TMC1: variants seen among roughly 807,000 people sequenced by gnomAD.
TMC1 encodes transmembrane channel-like protein 1.
A neutral mutation model predicts 105.8 loss-of-function variants in TMC1; 84 were observed. The ratio of observed to expected loss-of-function variants is 0.79; its 90% CI spans 0.67 to 0.95. The LOEUF (loss-of-function observed/expected upper bound fraction) is 0.95, where lower values mean the gene tolerates loss of function less well. Among genes scored for constraint, TMC1 ranks in the 40% least tolerant of loss-of-function variants. The pLI is 0.00. For synonymous variants in TMC1, 315 were observed against 311.5 expected, an observed-to-expected ratio of 1.01 and a Z score of -0.12; for missense variants, 817 against 914.1, an observed-to-expected ratio of 0.89 and a Z score of 1.37.
At chr9:72,627,898 ATT>A (rs36038786) in intron 3 of TMC1, 21 bp from the exon 4 acceptor site, 466 of 342,442 alleles carry the variant, frequency 1.4e-3, no homozygotes, top group Admixed American at 3.0e-3. Flanking sequence ...TCTGTATTGG[ATT>A]TTTTTTTTTT....
intron 1 of TMC1, among the ~76,000 whole-genome samples, chr9:72,532,489 C>T (rs1011139039): frequency 4.8e-5 from 6 of 125,622 alleles, no homozygotes; most frequent in East Asian, 2.6e-4. Flanking sequence ...TGCAGTGAGC[C>T]GAGATCGTGC....
intron 5 of TMC1, among the ~76,000 whole-genome samples, chr9:72,668,448 C>T (rs192073561): frequency 2.0e-5 from 3 of 152,288 alleles, no homozygotes; most frequent in East Asian, 3.9e-4. Flanking sequence ...AGTGAATTAA[C>T]GAGTGAATTA....
chr9:72,787,221 A>G (rs1299458547), intron 13 of TMC1, among the ~76,000 whole-genome samples: 2 of 152,182 alleles, frequency 1.3e-5, no homozygotes, highest in Admixed American at 6.5e-5. Flanking sequence ...CTTCTTGCTG[A>G]GATTTTAAAG....
At chr9:72,694,520 A>C in intron 6 of TMC1, 23 bp from the exon 7 acceptor site, 1 of 1,609,368 alleles carries the variant, frequency 6.2e-7, no homozygotes, top group Non-Finnish European at 8.5e-7. Flanking sequence ...GACATTACTC[A>C]TTGAATCAAG....
chr9:72,836,766 T>C lies in TMC1; in HGVS notation c.*793T>C, dbSNP rs1829131967. On this transcript the variant is annotated 3_prime_UTR_variant, in exon 24 of 24. Coordinates refer to ENST00000297784, the MANE Select transcript of TMC1 (RefSeq NM_138691.3). ...CACAGTCTGCTCATTTGTCTTCCAA[T>C]GATCATGTTATCAGTGGTGAATCCA... 1 of 152,134 alleles carries C rather than the reference T, an allele frequency of 6.6e-6. No homozygotes were observed. Among genetic ancestry groups the C allele is most frequent in the Non-Finnish European group, 1.5e-5 (1 of 68,046 alleles). 9.4% of individuals were successfully genotyped at this position (152,134 alleles called of 1,614,324 possible). A position where few individuals can be genotyped will look rare whatever the true frequency, so the allele number is the denominator to read the frequency against.
intron 1 of TMC1, among the ~76,000 whole-genome samples, chr9:72,543,666 C>T (rs1823715307): frequency 6.6e-6 from 1 of 152,120 alleles, no homozygotes; most frequent in Non-Finnish European, 1.5e-5. Context: ...GCCTGTAATC[C>T]CAGCTACTTG....
At chr9:72,682,361 G>A (rs1442593857) in intron 5 of TMC1, among the ~76,000 whole-genome samples, 1 of 152,086 alleles carries the variant, frequency 6.6e-6, no homozygotes, top group Non-Finnish European at 1.5e-5. Flanking sequence ...ATCTCATTCT[G>A]TGTTTCTCAC....
intron 10 of TMC1, 146 bp downstream of exon 10, chr9:72,742,671 T>C (rs1234998746): frequency 4.0e-6 from 3 of 751,444 alleles, no homozygotes; most frequent in Non-Finnish European, 6.9e-6. Flanking sequence ...ACAAAAACTT[T>C]GTTTATGCCT....
intron 8 of TMC1, among the ~76,000 whole-genome samples, chr9:72,714,558 G>T (rs1339305015): frequency 2.6e-5 from 4 of 151,940 alleles, no homozygotes; most frequent in Admixed American, 6.6e-5. Context: ...TTGGTTTAAA[G>T]TCTGTTTTGT....
chr9:72,711,679 G>T (rs914341951), intron 8 of TMC1, among the ~76,000 whole-genome samples: 3 of 152,202 alleles, frequency 2.0e-5, no homozygotes, highest in African/African-American at 7.2e-5. Context: ...CCCTTTGTCA[G>T]ATGGATAGAT....
chr9:72,574,892 C>T (rs963889705), intron 1 of TMC1, among the ~76,000 whole-genome samples: 3 of 152,142 alleles, frequency 2.0e-5, no homozygotes, highest in African/African-American at 7.2e-5. Context: ...CATCTGTCTC[C>T]ACCATAAAGC....
At chr9:72,636,816 A>G (rs535269141) in intron 4 of TMC1, among the ~76,000 whole-genome samples, 1 of 151,862 alleles carries the variant, frequency 6.6e-6, no homozygotes, top group Admixed American at 6.6e-5. Context: ...TTTATTCCCC[A>G]GGGGACATTT....
intron 1 of TMC1, among the ~76,000 whole-genome samples, chr9:72,528,483 C>A (rs997889332): frequency 6.6e-6 from 1 of 151,938 alleles, no homozygotes; most frequent in Non-Finnish European, 1.5e-5. Flanking sequence ...TATAGGCATG[C>A]GCCACCATGC....
chr9:72,614,456 T>C (rs953728383), intron 2 of TMC1, among the ~76,000 whole-genome samples: 63 of 152,192 alleles, frequency 4.1e-4, no homozygotes, highest in African/African-American at 1.5e-3. Context: ...GCAATGTCTA[T>C]ACACTGGCAA....
intron 8 of TMC1, among the ~76,000 whole-genome samples, chr9:72,714,695 C>A (rs1826890315): frequency 1.3e-5 from 2 of 152,104 alleles, no homozygotes; most frequent in Non-Finnish European, 2.9e-5. Flanking sequence ...ATACAGCACA[C>A]CAATGGGTCT....
At chr9:72,609,383 A>G (rs1229470092) in intron 2 of TMC1, among the ~76,000 whole-genome samples, 1 of 152,120 alleles carries the variant, frequency 6.6e-6, no homozygotes, top group Admixed American at 6.5e-5. Flanking sequence ...TACTAAAAAT[A>G]CAAAAATTAG....
At chr9:72,749,893 G>A (rs1330520850) in intron 10 of TMC1, among the ~76,000 whole-genome samples, 1 of 152,224 alleles carries the variant, frequency 6.6e-6, no homozygotes, top group Non-Finnish European at 1.5e-5. Flanking sequence ...TGGATCACGA[G>A]GTCAGGAGTT....
chr9:72,542,926 A>C (rs2132065616), intron 1 of TMC1, among the ~76,000 whole-genome samples: 1 of 151,804 alleles, frequency 6.6e-6, no homozygotes, highest in East Asian at 1.9e-4. Flanking sequence ...TGATCCACCC[A>C]CCTTGGCCTC....
intron 1 of TMC1, among the ~76,000 whole-genome samples, chr9:72,540,358 C>A (rs935379614): frequency 1.3e-5 from 2 of 152,106 alleles, no homozygotes; most frequent in Admixed American, 6.6e-5. Flanking sequence ...TCCATTTATT[C>A]TTCTGTTGAG....
Sources: allele counts gnomAD v4.1 joint callset (sites outside exome capture counted in the v4.1 genomes callset), GRCh38; gene constraint gnomAD v4.1.1; transcripts MANE v1.5; gene names NCBI Gene and HGNC (gene_info 2026-07-23, HGNC 2026-07-21).